The following PIGN variants were observed in gnomAD, a reference collection of about 807,000 sequenced individuals.
PIGN encodes GPI ethanolamine phosphate transferase 1.
A neutral mutation model predicts 125.4 loss-of-function variants in PIGN; 117 were observed. That is an observed-to-expected ratio of 0.93 (90% confidence interval 0.80 to 1.09). The LOEUF is 1.09. PIGN is among the 50% of genes least tolerant of loss of function. The pLI is 0.00. For synonymous variants in PIGN, 392 were observed against 377.8 expected (o/e 1.04, Z -0.44); for missense variants, 1,075 against 1,094.9 (o/e 0.98, Z 0.26).
chr18:62,100,842 T>C (rs932918270), intron 22 of PIGN, among the ~76,000 whole-genome samples: 32 of 152,208 alleles, frequency 2.1e-4, no homozygotes, highest in African/African-American at 2.9e-4. Flanking sequence ...AATAAATACA[T>C]AGCTTTATTA....
intron 30 of PIGN, among the ~76,000 whole-genome samples, chr18:62,059,678 G>A (rs1320761604): frequency 6.6e-6 from 1 of 152,134 alleles, no homozygotes; most frequent in Non-Finnish European, 1.5e-5. Flanking sequence ...AACAGGTAGA[G>A]GGTATTTTCT....
At chr18:62,025,750 A>G (rs981628340) in intron 23 of PIGN, among the ~76,000 whole-genome samples, 1 of 152,120 alleles carries the variant, frequency 6.6e-6, no homozygotes, top group African/African-American at 2.4e-5. Context: ...AAGTACCCAT[A>G]TTCACTCAGT....
intron 16 of PIGN, among the ~76,000 whole-genome samples, chr18:62,111,693 A>G (rs773755759): frequency 1.9e-4 from 29 of 152,286 alleles, no homozygotes; most frequent in Middle Eastern, 3.4e-3. Flanking sequence ...TGCAGCCCAC[A>G]GGCCACCTGT....
intron 10 of PIGN, among the ~76,000 whole-genome samples, 188 bp from the exon 11 acceptor site, chr18:62,143,534 A>T (rs542383700): frequency 1.1e-4 from 17 of 152,352 alleles, no homozygotes; most frequent in Middle Eastern, 3.4e-3. Context: ...AAAAAAACAA[A>T]AAGTAAATAT....
At position 62,088,181 on chromosome 18, in the gene PIGN, GAATAA is replaced by G. The variant is rs376151960; in HGVS notation, c.2370+570_2370+574del. 1.6e-3 allele frequency among the ~76,000 whole-genome samples: 239 copies of G among 152,214 alleles called. 1 individual carries two copies. The highest frequency in any genetic ancestry group is 5.4e-3 in the African/African-American group (223 of 41,526). On this transcript the variant is annotated intron_variant, in intron 25 of 30. Transcript: ENST00000640252. ...TTGTCAATTATACTTCAATAAAGCT[GAATAA>G]AATAAAATAAAGGAAATACATCCCT...
At chr18:62,092,148 A>G (rs2033991187) in intron 23 of PIGN, among the ~76,000 whole-genome samples, 1 of 152,156 alleles carries the variant, frequency 6.6e-6, no homozygotes, top group Admixed American at 6.5e-5. Flanking sequence ...AGGCCCAGGG[A>G]TATGAACAGA....
rs778932671 is a variant in PIGN at position 62,107,065 on chromosome 18, A to C, written c.1595T>G (p.Leu532Arg). ...AGGATAGGTCAACACTGATACAACA[A>C]GGTCCTGAATAACTTGAAATCTGTT... is the stretch of plus-strand genomic sequence containing the variant. ...VLREFQVIQD[L>R]VVSVLTYPLS... is the part of the protein sequence containing the mutation. Residue 532 changes from leucine (L) to arginine (R), a missense_variant, in exon 18 of 31, where the codon CTT (leucine) becomes CGT (arginine). Physicochemically the swap from Leu to Arg is moderately radical, Grantham distance 102 (BLOSUM62 -2). This residue lies in a region of PIGN where 915 missense variants were observed against 908.7 expected (regional missense o/e 1.01). Coordinates refer to ENST00000640252, the MANE Select transcript of PIGN (RefSeq NM_176787.5). 9.5e-6 allele frequency: 15 copies of C among 1,583,108 alleles called. No individual in the cohort carries two copies. The highest frequency in any genetic ancestry group is 7.0e-5 in the South Asian group (6 of 86,098).
At chr18:62,103,858 T>G (rs560094322) in intron 20 of PIGN, 1 of 152,128 alleles carries the variant, frequency 6.6e-6, no homozygotes, top group African/African-American at 2.4e-5. Context: ...TAGGAAAAAA[T>G]AGTCACATAT....
At chr18:62,124,984 C>A (rs964040645) in intron 14 of PIGN, among the ~76,000 whole-genome samples, 3 of 151,602 alleles carry the variant, frequency 2.0e-5, no homozygotes, top group Non-Finnish European at 4.4e-5. Context: ...AAAATCACTG[C>A]CAGAGCACAT....
intron 1 of PIGN, among the ~76,000 whole-genome samples, 182 bp from the exon 2 acceptor site, chr18:62,163,838 C>T (rs763158536): frequency 3.3e-5 from 5 of 152,178 alleles, no homozygotes; most frequent in Admixed American, 2.0e-4. Flanking sequence ...ACTCTCCATT[C>T]GCCCCTGTCC....
intron 10 of PIGN, among the ~76,000 whole-genome samples, chr18:62,145,581 T>C (rs928197611): frequency 6.6e-6 from 1 of 152,232 alleles, no homozygotes; most frequent in Non-Finnish European, 1.5e-5. Context: ...CTATGAAACC[T>C]TAAATTTCCT....
At chr18:62,106,612 C>T (rs1214646427) in intron 19 of PIGN, among the ~76,000 whole-genome samples, 177 bp downstream of exon 19, 1 of 152,192 alleles carries the variant, frequency 6.6e-6, no homozygotes, top group Non-Finnish European at 1.5e-5. Context: ...ATGTGAAAGT[C>T]TAAGTGAATT....
intron 28 of PIGN, among the ~76,000 whole-genome samples, chr18:62,077,943 A>C (rs1319586655): frequency 6.6e-6 from 1 of 152,128 alleles, no homozygotes; most frequent in Non-Finnish European, 1.5e-5. Context: ...CCTTAGGTTC[A>C]CATGTTATCT....
intron 1 of PIGN, among the ~76,000 whole-genome samples, chr18:62,183,281 C>T (rs763163019): frequency 5.3e-5 from 8 of 151,764 alleles, no homozygotes; most frequent in Non-Finnish European, 1.2e-4. Flanking sequence ...CTCTCCAGTG[C>T]CTTTTCACCT....
chr18:62,095,098 C>T (rs938175830), intron 23 of PIGN, among the ~76,000 whole-genome samples: 1 of 152,202 alleles, frequency 6.6e-6, no homozygotes, highest in African/African-American at 2.4e-5. Context: ...TTTAGTCTAA[C>T]TTCAATCAAG....
intron 30 of PIGN, among the ~76,000 whole-genome samples, chr18:62,063,013 T>A (rs1458446012): frequency 1.3e-5 from 2 of 149,354 alleles, no homozygotes; most frequent in African/African-American, 4.9e-5. Flanking sequence ...AAGAGGAACA[T>A]CATGATAGAC....
intron 1 of PIGN, among the ~76,000 whole-genome samples, chr18:62,167,334 G>C (rs1333079954): frequency 9.0e-5 from 12 of 132,852 alleles, no homozygotes; most frequent in Non-Finnish European, 1.6e-4. Flanking sequence ...GTGTGTGTGT[G>C]TGTGTATTCA....
At chr18:62,088,443 G>C (rs1227033924) in intron 25 of PIGN, 1 of 167,824 alleles carries the variant, frequency 6.0e-6, no homozygotes, top group African/African-American at 2.4e-5. Flanking sequence ...TTGAAGTCGG[G>C]AGTTGAAAGA....
chr18:62,112,935 A>C, intron 16 of PIGN, 199 bp downstream of exon 16: 2 of 520,614 alleles, frequency 3.8e-6, no homozygotes, highest in Non-Finnish European at 6.7e-6. Context: ...AAGTTATAGG[A>C]TCATTATTAT....
Sources: allele counts gnomAD v4.1 joint callset (sites outside exome capture counted in the v4.1 genomes callset), GRCh38; gene constraint gnomAD v4.1.1; regional missense constraint gnomAD v4.1.1; transcripts MANE v1.5; gene names NCBI Gene and HGNC (gene_info 2026-07-23, HGNC 2026-07-21).